Variants in GPC5 observed in about 807,000 individuals in gnomAD.
GPC5 encodes glypican 5.
In GPC5, 47 loss-of-function variants were observed where a neutral mutation model predicts 53.9. The ratio of observed to expected loss-of-function variants is 0.87; its 90% confidence interval spans 0.69 to 1.11. The LOEUF is 1.11. Among genes scored for constraint, GPC5 ranks in the 50% most tolerant of loss-of-function variants. The probability of loss-of-function intolerance (pLI) is 0.00; values close to 1 mark genes in which losing one functional copy is unlikely to be tolerated. For synonymous variants in GPC5, 286 were observed against 263.3 expected, an observed-to-expected ratio of 1.09 and a Z score of -0.84; for missense variants, 748 against 713.1, an observed-to-expected ratio of 1.05 and a Z score of -0.56.
chr13:92,321,230 G>A (rs181963406), intron 7 of GPC5, among the ~76,000 whole-genome samples: 6 of 152,296 alleles, frequency 3.9e-5, no homozygotes, highest in African/African-American at 1.2e-4. Flanking sequence ...ACACTTAAAT[G>A]TAAGATAAGG....
At chr13:92,586,946 A>G (rs1169301321) in intron 7 of GPC5, among the ~76,000 whole-genome samples, 3 of 125,552 alleles carry the variant, frequency 2.4e-5, no homozygotes, top group African/African-American at 3.9e-5. Context: ...TCTCTCTTGC[A>G]TACACACACA....
chr13:92,321,331 C>T (rs1420950064), intron 7 of GPC5, among the ~76,000 whole-genome samples: 3 of 152,182 alleles, frequency 2.0e-5, no homozygotes, highest in South Asian at 2.1e-4. Flanking sequence ...CGGTGGCTGA[C>T]GCCTGTAATC....
intron 5 of GPC5, among the ~76,000 whole-genome samples, chr13:91,904,966 G>T (rs1303694187): frequency 6.6e-6 from 1 of 151,982 alleles, no homozygotes; most frequent in East Asian, 1.9e-4. Context: ...CATTGACTGA[G>T]GGGCAAATGC....
intron 2 of GPC5, among the ~76,000 whole-genome samples, chr13:91,589,465 T>C (rs1451559549): frequency 1.3e-5 from 2 of 152,162 alleles, no homozygotes; most frequent in Non-Finnish European, 2.9e-5. Context: ...ACAGCTTCTC[T>C]GTTTCCTCTC....
intron 2 of GPC5, among the ~76,000 whole-genome samples, chr13:91,499,263 G>T (rs1223371523): frequency 3.3e-5 from 5 of 152,270 alleles, no homozygotes; most frequent in Admixed American, 2.0e-4. Flanking sequence ...GTGTGGTTCA[G>T]TTTGATGGAT....
Position 91,584,840 on chromosome 13 carries a change from A to G in GPC5, c.326-108347A>G, listed in dbSNP as rs373364665. Among the ~76,000 whole-genome samples, 58 of 152,292 alleles carry G rather than the reference A, an allele frequency of 3.8e-4. No individual in the cohort carries two copies. The East Asian group carries it at 8.9e-3, about 23-fold the overall frequency. On this transcript the variant is annotated intron_variant, in intron 2 of 7. Coordinates refer to ENST00000377067, the MANE Select transcript of GPC5 (RefSeq NM_004466.6). Reference sequence around the variant, plus strand: ...GGTGATCTGCCCGCCCGGTCTCCCAAAGTGCTGGGATTACAGGCATGAGCC... The same window carrying G: ...GGTGATCTGCCCGCCCGGTCTCCCAGAGTGCTGGGATTACAGGCATGAGCC...
chr13:91,731,429 G>C (rs908986984), intron 4 of GPC5, among the ~76,000 whole-genome samples: 7 of 151,950 alleles, frequency 4.6e-5, no homozygotes, highest in Non-Finnish European at 1.0e-4. Flanking sequence ...ATACATTTTT[G>C]TTTTAGTATT....
At chr13:92,644,678 A>G (rs2139155791) in intron 7 of GPC5, among the ~76,000 whole-genome samples, 1 of 152,294 alleles carries the variant, frequency 6.6e-6, no homozygotes, top group East Asian at 1.9e-4. Flanking sequence ...ATTAATATAT[A>G]TGCATGAAAT....
In GPC5 at chr13:92,247,150, C is replaced by A. The variant is rs528821457; in HGVS notation, c.1561+102161C>A. Reference sequence around the variant, plus strand: ...CTATAATATGGCTTTGCCCTAAAATCTAATAATTCTGAAGAAAAGAAAATA... The same window carrying A: ...CTATAATATGGCTTTGCCCTAAAATATAATAATTCTGAAGAAAAGAAAATA... On this transcript the variant is annotated intron_variant, in intron 7 of 7. Transcript: ENST00000377067. Among the ~76,000 whole-genome samples, 3 of 152,144 alleles carry A rather than the reference C, an allele frequency of 2.0e-5. No individual in the cohort carries two copies. The South Asian group carries it at 6.2e-4, about 32-fold the overall frequency.
chr13:91,583,795 A>AAAATAGGAT (rs1231732212), intron 2 of GPC5, among the ~76,000 whole-genome samples: 105 of 152,318 alleles, frequency 6.9e-4, no homozygotes, highest in Non-Finnish European at 1.3e-3. Flanking sequence ...TGCAGATAAA[A>AAAATAGGAT]AAATAGGATT....
intron 7 of GPC5, among the ~76,000 whole-genome samples, chr13:92,778,668 C>T (rs1875908460): frequency 6.6e-6 from 1 of 152,052 alleles, no homozygotes; most frequent in Non-Finnish European, 1.5e-5. Flanking sequence ...CATCTTCAAC[C>T]ATTATTTTAC....
At chr13:91,823,987 C>T (rs182865996) in intron 5 of GPC5, among the ~76,000 whole-genome samples, 10 of 152,130 alleles carry the variant, frequency 6.6e-5, no homozygotes, top group Admixed American at 5.2e-4. Context: ...GTTATCTAAT[C>T]GAGACCATTC....
chr13:92,029,626 G>C (rs1215697126), intron 6 of GPC5, among the ~76,000 whole-genome samples: 1 of 152,148 alleles, frequency 6.6e-6, no homozygotes, highest in Admixed American at 6.5e-5. Flanking sequence ...GTTTCTCTAG[G>C]TTTGAGGAGA....
At chr13:92,390,689 C>G (rs1237626716) in intron 7 of GPC5, among the ~76,000 whole-genome samples, 1 of 152,036 alleles carries the variant, frequency 6.6e-6, no homozygotes. Flanking sequence ...CTTGCCCTCA[C>G]TCACTTTTTA....
chr13:92,031,230 T>C (rs1200923221), intron 6 of GPC5, among the ~76,000 whole-genome samples: 1 of 152,146 alleles, frequency 6.6e-6, no homozygotes, highest in African/African-American at 2.4e-5. Context: ...TTTAGCTGCG[T>C]GTTCTCTCCT....
intron 2 of GPC5, among the ~76,000 whole-genome samples, chr13:91,504,323 ATT>A (rs1381878525): frequency 2.0e-5 from 3 of 152,120 alleles, no homozygotes; most frequent in Non-Finnish European, 2.9e-5. Flanking sequence ...TACCAAAAGA[ATT>A]TTTAATAAAG....
intron 2 of GPC5, among the ~76,000 whole-genome samples, chr13:91,602,169 G>A (rs922883035): frequency 1.4e-4 from 22 of 152,210 alleles, no homozygotes; most frequent in Admixed American, 1.0e-3. Context: ...AAATCTTTGT[G>A]TGTCCAGCAC....
chr13:91,976,779 C>A lies in GPC5; in HGVS notation c.1401+68722C>A, dbSNP rs1276480558. ...CAGAGGCCGAGCGCGGTGGCTCACG[C>A]CTGTAATCCCAGCACTTTGGGAGGC... On this transcript the variant is annotated intron_variant, in intron 6 of 7. Coordinates refer to ENST00000377067, the MANE Select transcript of GPC5 (RefSeq NM_004466.6). 5.9e-5 allele frequency among the ~76,000 whole-genome samples: 9 copies of A among 152,288 alleles called. No homozygotes were observed. The South Asian group carries it at 1.9e-3, about 32-fold the overall frequency.
At chr13:92,422,468 A>G (rs1444503176) in intron 7 of GPC5, among the ~76,000 whole-genome samples, 2 of 148,300 alleles carry the variant, frequency 1.3e-5, no homozygotes, top group African/African-American at 2.5e-5. Flanking sequence ...ATCTTTCTGT[A>G]AGCACCACCC....
Sources: gnomAD v4.1 joint callset for allele counts (sites outside exome capture counted in the v4.1 genomes callset) on GRCh38, gnomAD v4.1.1 for gene constraint, MANE v1.5 for transcripts, NCBI Gene and HGNC (gene_info 2026-07-23, HGNC 2026-07-21) for gene names.